The following SPATA13 variants were observed in gnomAD, a reference collection of about 807,000 sequenced individuals.
SPATA13 encodes the protein spermatogenesis-associated protein 13.
Under a neutral mutation model 104.0 loss-of-function variants are expected in SPATA13, and 50 were observed. The observed-to-expected ratio is 0.48, with a 90% CI of 0.38 to 0.61. SPATA13 has a LOEUF of 0.61. Ranked by LOEUF, SPATA13 falls within the 20% of genes least tolerant of loss-of-function variation. The pLI is 0.00. For missense variants in SPATA13, 1,524 were observed against 1,690.6 expected (o/e 0.90, Z 1.73); for synonymous variants, 606 against 667.5 (o/e 0.91, Z 1.42).
chr13:24,260,670 AG>A (rs1389066512), intron 4 of SPATA13, among the ~76,000 whole-genome samples: 5 of 152,272 alleles, frequency 3.3e-5, no homozygotes, highest in Non-Finnish European at 7.3e-5. Flanking sequence ...CTATCAAATT[AG>A]GTGAGAATTG....
chr13:24,201,606 A>C (rs1870409302), intron 1 of SPATA13, among the ~76,000 whole-genome samples: 1 of 152,016 alleles, frequency 6.6e-6, no homozygotes. Context: ...ACACTCAGCT[A>C]ATTTTTGTGT....
rs371076193 is a variant in SPATA13, at chr13:24,088,524, G to A, written c.-112+70823G>A. ...CCATGTGTTGATCGTTGGGTCCACA[G>A]CCCAAAGACTGGCAGAATCTCAATA... On this transcript the variant is annotated intron_variant, in intron 3 of 14. Transcript: ENST00000424834. The surrounding 1 kb of genome is among the most constrained non-coding windows in gnomAD (Gnocchi z 4.3). Among the ~76,000 whole-genome samples the A allele has an allele frequency of 5.5e-4, 83 of 151,922 alleles. No individual in the cohort carries two copies. The South Asian group carries it at 6.9e-3, about 13-fold the overall frequency.
chr13:24,228,108 C>CT (rs71186818), intron 2 of SPATA13, among the ~76,000 whole-genome samples: 8,140 of 101,872 alleles, frequency 0.08, 561 homozygotes, highest in African/African-American at 0.13. Context: ...CTCTTGTACT[C>CT]TTTTTTTTTT....
At chr13:24,149,689 C>T (rs922519329) in intron 3 of SPATA13, among the ~76,000 whole-genome samples, 5 of 152,106 alleles carry the variant, frequency 3.3e-5, no homozygotes, top group African/African-American at 1.2e-4. Context: ...CTGATGGGGG[C>T]GGGAAAGCTC....
intron 3 of SPATA13, among the ~76,000 whole-genome samples, chr13:24,025,615 C>A (rs753813313): frequency 6.6e-6 from 1 of 152,162 alleles, no homozygotes; most frequent in Non-Finnish European, 1.5e-5. Context: ...GCTCTAAATC[C>A]TTACTAAAAT....
chr13:24,159,547 T>G (rs1170914750), upstream of SPATA13, among the ~76,000 whole-genome samples: 1 of 152,118 alleles, frequency 6.6e-6, no homozygotes, highest in Non-Finnish European at 1.5e-5. Context: ...TACATTCGAG[T>G]GGCACATGTG....
chr13:24,001,899 T>A (rs1283671936), intron 2 of SPATA13, among the ~76,000 whole-genome samples: 1 of 151,276 alleles, frequency 6.6e-6, no homozygotes, highest in African/African-American at 2.4e-5. Flanking sequence ...GGCTGGAGTG[T>A]GGCTGTGGGA....
intron 2 of SPATA13, among the ~76,000 whole-genome samples, chr13:23,991,318 T>C (rs1394285499): frequency 6.6e-6 from 1 of 152,240 alleles, no homozygotes; most frequent in East Asian, 1.9e-4. Context: ...CAATAAATCC[T>C]GTGTTTGCAG....
At chr13:24,160,695 A>T (rs868409927), upstream of SPATA13, 1 of 954,608 alleles carries the variant, frequency 1.0e-6, no homozygotes, top group Non-Finnish European at 1.2e-6. Flanking sequence ...CCTGGTGGGG[A>T]GCGGGGCTGG....
intron 4 of SPATA13, among the ~76,000 whole-genome samples, chr13:24,277,698 C>T (rs990661898): frequency 6.6e-6 from 1 of 152,172 alleles, no homozygotes; most frequent in African/African-American, 2.4e-5. Flanking sequence ...TTGGAAATCA[C>T]ATACTGAGTG....
intron 3 of SPATA13, among the ~76,000 whole-genome samples, chr13:24,101,471 A>G (rs1880255640): frequency 7.1e-6 from 1 of 139,862 alleles, no homozygotes; most frequent in Non-Finnish European, 1.6e-5. Flanking sequence ...CAATTTAACT[A>G]TTTTTTAAAT....
Position 24,108,537 on chromosome 13 carries a change from AG to A in SPATA13, c.-112+90839del, listed in dbSNP as rs1880527802. On this transcript the variant is annotated intron_variant, in intron 3 of 14. Coordinates refer to the SPATA13 transcript ENST00000424834. ...CCTACTGAAGGAAACTGCTTTAGGG[AG>A]GGCTTGTGCCAGGACACTCACCCTT... 5.3e-5 allele frequency among the ~76,000 whole-genome samples: 8 copies of A among 152,220 alleles called. 1 individual carries two copies. In the South Asian group the frequency reaches 1.2e-3, roughly 24 times the overall value.
intron 1 of SPATA13, among the ~76,000 whole-genome samples, chr13:24,200,962 C>T (rs1870364691): frequency 3.4e-5 from 5 of 147,120 alleles, no homozygotes. Context: ...TTTTTTCCCC[C>T]TCACAGGAAT....
chr13:24,138,652 C>A (rs576346158), intron 3 of SPATA13, among the ~76,000 whole-genome samples: 1 of 152,170 alleles, frequency 6.6e-6, no homozygotes, highest in African/African-American at 2.4e-5. Flanking sequence ...GGCGCTATCA[C>A]AGCTCACTGC....
intron 3 of SPATA13, among the ~76,000 whole-genome samples, chr13:24,126,374 C>A (rs1881216249): frequency 6.6e-6 from 1 of 152,222 alleles, no homozygotes; most frequent in African/African-American, 2.4e-5. Flanking sequence ...GACTGCCACA[C>A]TCTGCTCTGA....
At chr13:24,144,748 C>A (rs1881877001) in intron 3 of SPATA13, among the ~76,000 whole-genome samples, 1 of 152,058 alleles carries the variant, frequency 6.6e-6, no homozygotes, top group Non-Finnish European at 1.5e-5. Context: ...TGACCAGGGT[C>A]GGAAGAGGCA....
intron 3 of SPATA13, among the ~76,000 whole-genome samples, chr13:24,155,700 T>A (rs1882238727): frequency 6.6e-6 from 1 of 152,150 alleles, no homozygotes; most frequent in African/African-American, 2.4e-5. Context: ...CACATAAGAC[T>A]TACCATTTTA....
At chr13:23,989,465 T>C (rs1347381261) in intron 2 of SPATA13, among the ~76,000 whole-genome samples, 3 of 151,942 alleles carry the variant, frequency 2.0e-5, no homozygotes, top group African/African-American at 7.3e-5. Flanking sequence ...AAAAGTTGAA[T>C]ACATAAACGT....
At chr13:24,048,152 C>G (rs938405733) in intron 3 of SPATA13, among the ~76,000 whole-genome samples, 26 of 152,212 alleles carry the variant, frequency 1.7e-4, no homozygotes, top group African/African-American at 5.8e-4. Flanking sequence ...TCAACACACC[C>G]CAGAAATAAT....
Sources: allele counts gnomAD v4.1 joint callset (sites outside exome capture counted in the v4.1 genomes callset), GRCh38; gene constraint gnomAD v4.1.1; non-coding constraint Gnocchi (gnomAD v3.1); transcripts MANE v1.5; gene names NCBI Gene and HGNC (gene_info 2026-07-23, HGNC 2026-07-21).